The following ERGIC3 variants were observed in gnomAD, a reference collection of about 807,000 sequenced individuals.
ERGIC3 encodes endoplasmic reticulum-Golgi intermediate compartment protein 3.
In ERGIC3, 33 loss-of-function variants were observed where a neutral mutation model predicts 54.7. That is an observed-to-expected ratio of 0.60 (90% confidence interval 0.46 to 0.81). The LOEUF (loss-of-function observed/expected upper bound fraction) is 0.81, where lower values mean the gene tolerates loss of function less well. Among genes scored for constraint, ERGIC3 ranks in the 30% least tolerant of loss-of-function variants. ERGIC3 has a pLI of 0.00. For synonymous variants in ERGIC3, 186 were observed against 189.8 expected (o/e 0.98, Z 0.16); for missense variants, 399 against 488.4 (o/e 0.82, Z 1.73).
intron 7 of ERGIC3, chr20:35,554,245 C>A: frequency 7.9e-7 from 1 of 1,269,988 alleles, no homozygotes; most frequent in Non-Finnish European, 1.2e-6. Context: ...GGCTTGTTAG[C>A]TGGGGCCAGA....
intron 8 of ERGIC3, 133 bp downstream of exon 8, chr20:35,555,208 C>G: frequency 9.3e-7 from 1 of 1,076,406 alleles, no homozygotes. Context: ...AATGGGGATC[C>G]AGCCTGAGGG....
At chr20:35,556,547 G>A in intron 10 of ERGIC3, 1 of 524,006 alleles carries the variant, frequency 1.9e-6, no homozygotes, top group East Asian at 3.5e-5. Flanking sequence ...TCTGTGGTCT[G>A]CCTGGGCTGG....
intron 7 of ERGIC3, chr20:35,554,279 C>A: frequency 6.7e-7 from 1 of 1,495,402 alleles, no homozygotes; most frequent in South Asian, 1.1e-5. Context: ...GCTGAATGTT[C>A]CAGTCTTCCC....
At chr20:35,547,557 TCAGC>T in intron 5 of ERGIC3, 52 bp downstream of exon 5, 2 of 1,514,700 alleles carry the variant, frequency 1.3e-6, no homozygotes, top group Non-Finnish European at 1.8e-6. Flanking sequence ...CATCTGTCAG[TCAGC>T]CTCAGCCTCA....
intron 7 of ERGIC3, among the ~76,000 whole-genome samples, chr20:35,553,170 A>C (rs2064691166): frequency 1.6e-5 from 1 of 62,308 alleles, no homozygotes. Flanking sequence ...ATGCCTGGCT[A>C]ATTTTTTTTT....
intron 7 of ERGIC3, chr20:35,549,345 T>G (rs981080727): frequency 3.9e-5 from 16 of 405,578 alleles, no homozygotes; most frequent in African/African-American, 2.1e-4. Flanking sequence ...TTTAGTTGCT[T>G]CTTCTGTAAA....
chr20:35,547,454 T>C lies in ERGIC3; in HGVS notation c.410T>C (p.Leu137Pro), dbSNP rs975003695. Residue 137 changes from leucine to proline, a missense_variant, in exon 5 of 13, where the codon CTG (leucine) becomes CCG (proline). Transcript: ENST00000348547. ...GTGACGGTGTTTGACCCTGACTCCCTGGACCCTGATCGCTGTGAGAGCTGC... is the reference window on the plus strand; with the variant it reads ...GTGACGGTGTTTGACCCTGACTCCCCGGACCCTGATCGCTGTGAGAGCTGC... ...VEVTVFDPDS[L>P]DPDRCESCYG... 1 of 1,614,032 alleles carries C rather than the reference T, an allele frequency of 6.2e-7. No homozygotes were observed. Among genetic ancestry groups the C allele is most frequent in the African/African-American group, 1.3e-5 (1 of 74,922 alleles).
chr20:35,547,775 C>G (rs2064657203), intron 5 of ERGIC3, among the ~76,000 whole-genome samples: 1 of 7,772 alleles, frequency 1.3e-4, no homozygotes, highest in Admixed American at 1.9e-3. Flanking sequence ...GTCCAGTTAC[C>G]TGGGTTCTAC....
chr20:35,543,127 C>T lies in ERGIC3; in HGVS notation c.367+186C>T, dbSNP rs74332413. 2,723 of 669,468 alleles carry T rather than the reference C, an allele frequency of 4.1e-3. 51 individuals carry two copies. In the African/African-American group the frequency reaches 0.043, roughly 11 times the overall value. The allele number at this position is 669,468 out of a possible 1,614,324, so 41.5% of individuals were successfully genotyped here. On this transcript the variant is annotated intron_variant, in intron 4 of 12. Coordinates refer to ENST00000348547, the MANE Select transcript of ERGIC3 (RefSeq NM_015966.3). ...GTGAGCTAAAATCCTCTATACATAT[C>T]GAGTCAGGTAATCTACCTGGCTATT...
At chr20:35,555,976 C>T in intron 8 of ERGIC3, 57 bp from the exon 9 acceptor site, 1 of 1,535,744 alleles carries the variant, frequency 6.5e-7, no homozygotes, top group East Asian at 2.3e-5. Flanking sequence ...ACCCAGGTGT[C>T]CCTGTCTGCT....
chr20:35,542,460 A>G (rs1197215794), intron 2 of ERGIC3, 53 bp from the exon 3 acceptor site: 1 of 1,613,240 alleles, frequency 6.2e-7, no homozygotes, highest in East Asian at 2.2e-5. Context: ...TAGGGGTGGG[A>G]GTGGGGAAGG....
rs2064624576 is a variant in ERGIC3 at position 35,542,906 on chromosome 20, A to G, written c.332A>G (p.Asp111Gly). The change falls in exon 4 of 13, where the codon GAT (aspartate) becomes GGT (glycine). Residue 111 changes from aspartate to glycine, a missense_variant. Physicochemically the swap from Asp to Gly is moderately conservative, Grantham distance 94. Transcript: ENST00000348547. The stretch of plus-strand genomic sequence containing the variant: ...CTGTTCAAGCAACGACTAGATAAAG[A>G]TGGCATCCCCGTGAGCTCAGAGGCT... ...HNLFKQRLDKDGIPVSSEAER... is the reference protein window; with the variant it reads ...HNLFKQRLDKGGIPVSSEAER... 1 of 1,614,114 alleles carries G rather than the reference A, an allele frequency of 6.2e-7. No homozygotes were observed. The highest frequency in any genetic ancestry group is 8.5e-7 in the Non-Finnish European group (1 of 1,180,010).
At chr20:35,547,851 T>G (rs2064657678) in intron 5 of ERGIC3, among the ~76,000 whole-genome samples, 1 of 152,154 alleles carries the variant, frequency 6.6e-6, no homozygotes, top group Non-Finnish European at 1.5e-5. Flanking sequence ...CATCTTCTCG[T>G]AAGAGTCACA....
chr20:35,543,618 A>C (rs1178687326), intron 4 of ERGIC3: 1 of 471,300 alleles, frequency 2.1e-6, no homozygotes, highest in African/African-American at 2.0e-5. Context: ...AACACCTTAG[A>C]GATTACTCTG....
intron 3 of ERGIC3, 56 bp from the exon 4 acceptor site, chr20:35,542,766 C>A: frequency 6.2e-7 from 1 of 1,613,750 alleles, no homozygotes; most frequent in Non-Finnish European, 8.5e-7. Flanking sequence ...CCTCCAAAAC[C>A]CACATCCCCT....
Position 35,547,750 on chromosome 20 carries a change from GAGGTGGTCTCTGGAGTCC to G in ERGIC3, c.461+248_461+265del, listed in dbSNP as rs1482993704. Among the ~76,000 whole-genome samples the G allele has an allele frequency of 2.0e-5, 3 of 149,216 alleles. No individual in the cohort carries two copies. The Admixed American group carries it at 2.0e-4, about 10-fold the overall frequency. On this transcript the variant is annotated intron_variant, in intron 5 of 12. Transcript: ENST00000348547. ...CTCTTCCACCTAGAGAAATGGTTCA[GAGGTGGTCTCTGGAGTCC>G]AGTTACCTGGGTTCTACCCGTTTCC...
At chr20:35,542,801 G>T (rs55698599) in intron 3 of ERGIC3, 21 bp from the exon 4 acceptor site, 4 of 1,613,998 alleles carry the variant, frequency 2.5e-6, no homozygotes, top group Non-Finnish European at 2.5e-6. Flanking sequence ...CAGTACCTTA[G>T]CCTGATTTTC....
chr20:35,552,070 A>G (rs1474219412), intron 7 of ERGIC3, among the ~76,000 whole-genome samples: 1 of 152,182 alleles, frequency 6.6e-6, no homozygotes, highest in Non-Finnish European at 1.5e-5. Flanking sequence ...GAAGTCCTGG[A>G]GAAGGAGAAA....
At chr20:35,544,485 TC>T in intron 4 of ERGIC3, 1 of 290,874 alleles carries the variant, frequency 3.4e-6, no homozygotes, top group Non-Finnish European at 6.9e-6. Context: ...GCTCAGCTCC[TC>T]CTGCCTCCTC....
Sources: gnomAD v4.1 joint callset for allele counts (sites outside exome capture counted in the v4.1 genomes callset) on GRCh38, gnomAD v4.1.1 for gene constraint, MANE v1.5 for transcripts, NCBI Gene and HGNC (gene_info 2026-07-23, HGNC 2026-07-21) for gene names.